Variants in SORCS2 observed in about 807,000 individuals in gnomAD.
SORCS2 encodes the protein VPS10 domain-containing receptor SorCS2.
Under a neutral mutation model 141.6 loss-of-function variants are expected in SORCS2, and 100 were observed. That is an observed-to-expected ratio of 0.71 (90% CI 0.60 to 0.83). SORCS2 has a LOEUF of 0.83. Among genes scored for constraint, SORCS2 ranks in the 40% least tolerant of loss-of-function variants. The pLI is 0.00. For missense variants in SORCS2, 1,646 were observed against 1,560.2 expected, an observed-to-expected ratio of 1.05 and a Z score of -0.93; for synonymous variants, 789 against 676.9, an observed-to-expected ratio of 1.17 and a Z score of -2.57.
intron 10 of SORCS2, 37 bp downstream of exon 10, chr4:7,682,926 C>G: frequency 6.3e-7 from 1 of 1,599,906 alleles, no homozygotes; most frequent in Non-Finnish European, 8.5e-7. Flanking sequence ...CCATCCTTGG[C>G]GTGGATGCTA....
chr4:7,369,671 C>T (rs543073890), intron 1 of SORCS2, among the ~76,000 whole-genome samples: 6 of 152,298 alleles, frequency 3.9e-5, no homozygotes, highest in Admixed American at 3.9e-4. Context: ...TTGCTGAGTG[C>T]TCTCCCAGTG....
chr4:7,704,031 G>A (rs1725253074), intron 13 of SORCS2, 146 bp from the exon 14 acceptor site: 1 of 690,190 alleles, frequency 1.4e-6, no homozygotes. Context: ...ATGAGCAGAT[G>A]TGACATAAGC....
At chr4:7,264,237 T>C (rs1221367195) in intron 1 of SORCS2, among the ~76,000 whole-genome samples, 1 of 152,198 alleles carries the variant, frequency 6.6e-6, no homozygotes, top group African/African-American at 2.4e-5. Context: ...AGGGCAGGTA[T>C]TTCTCCAGCA....
intron 1 of SORCS2, among the ~76,000 whole-genome samples, chr4:7,244,134 G>A (rs909080115): frequency 6.6e-6 from 1 of 152,192 alleles, no homozygotes; most frequent in Non-Finnish European, 1.5e-5. Flanking sequence ...ATAGGAAGGG[G>A]CGGCTCCCCT....
intron 3 of SORCS2, among the ~76,000 whole-genome samples, chr4:7,587,253 T>C (rs1192639994): frequency 6.6e-6 from 1 of 152,102 alleles, no homozygotes; most frequent in African/African-American, 2.4e-5. Context: ...TAGGTAATAT[T>C]TGGCCACTCA....
chr4:7,679,133 A>G (rs1723350157), intron 9 of SORCS2, among the ~76,000 whole-genome samples: 1 of 152,174 alleles, frequency 6.6e-6, no homozygotes, highest in Non-Finnish European at 1.5e-5. Flanking sequence ...ATCCAGGAAA[A>G]AAATGTTTGG....
rs1413167095 is a variant in SORCS2, at chr4:7,346,265, C to G, written c.481-50023C>G. ...GCTTCAGTTTTATTCAGTTTATTTT[C>G]TAATTTCCTTAGTGATTTCTTCTTT... is the stretch of plus-strand genomic sequence containing the variant. On this transcript the variant is annotated intron_variant, in intron 1 of 26. Transcript: ENST00000507866. Among the ~76,000 whole-genome samples, 4 of 152,230 alleles carry G rather than the reference C, an allele frequency of 2.6e-5. No individual in the cohort carries two copies. In the East Asian group the frequency reaches 7.7e-4, roughly 29 times the overall value.
chr4:7,461,667 G>A (rs1172391642), intron 2 of SORCS2, among the ~76,000 whole-genome samples: 1 of 152,184 alleles, frequency 6.6e-6, no homozygotes, highest in Non-Finnish European at 1.5e-5. Flanking sequence ...AAAACCCAGC[G>A]AGGAGCTCTC....
At chr4:7,621,630 A>T (rs1319771307) in intron 3 of SORCS2, among the ~76,000 whole-genome samples, 2 of 152,146 alleles carry the variant, frequency 1.3e-5, no homozygotes, top group African/African-American at 4.8e-5. Context: ...GGTGGTGATC[A>T]GATGAAATCA....
In SORCS2 at chr4:7,656,141, G is replaced by A. The variant is rs144511314; in HGVS notation, c.887+1934G>A. ...AGCTCTTTGTCCTTGAACTGACAGC[G>A]GGAATTGCCAAAGCCCCGTGTTCTG... On this transcript the variant is annotated intron_variant, in intron 5 of 26. Coordinates refer to ENST00000507866, the MANE Select transcript of SORCS2 (RefSeq NM_020777.3). Among the ~76,000 whole-genome samples the A allele has an allele frequency of 2.7e-3, 413 of 152,304 alleles. 3 individuals are homozygous for A. Among genetic ancestry groups the A allele is most frequent in the African/African-American group, 9.6e-3 (399 of 41,546 alleles).
At position 7,243,111 on chromosome 4, in the gene SORCS2, A is replaced by T. The variant is rs1030168930; in HGVS notation, c.480+49985A>T. On this transcript the variant is annotated intron_variant, in intron 1 of 26. Coordinates refer to ENST00000507866, the MANE Select transcript of SORCS2 (RefSeq NM_020777.3). ...CCCACCCCACAGGCTTTCTTTCTCC[A>T]TGAGGGATCTGAGTTCCCCCTCCCC... Among the ~76,000 whole-genome samples the T allele has an allele frequency of 3.3e-5, 5 of 152,148 alleles. No individual in the cohort carries two copies. In the East Asian group the frequency reaches 9.7e-4, roughly 29 times the overall value.
At chr4:7,361,712 C>CCACTGCAG (rs1721591014) in intron 1 of SORCS2, among the ~76,000 whole-genome samples, 1 of 152,038 alleles carries the variant, frequency 6.6e-6, no homozygotes, top group Non-Finnish European at 1.5e-5. Context: ...GCTGGGGACC[C>CCACTGCAG]CACTGCAGGC....
chr4:7,244,393 G>A (rs1367039891), intron 1 of SORCS2, among the ~76,000 whole-genome samples: 1 of 152,246 alleles, frequency 6.6e-6, no homozygotes, highest in African/African-American at 2.4e-5. Flanking sequence ...CAGCCTGCCT[G>A]GTGGAACGCG....
At chr4:7,372,483 T>C (rs1376107962) in intron 1 of SORCS2, among the ~76,000 whole-genome samples, 2 of 152,116 alleles carry the variant, frequency 1.3e-5, no homozygotes, top group African/African-American at 4.8e-5. Context: ...ATTTTTTGTA[T>C]TTTCAGTAGA....
At chr4:7,626,615 T>C (rs2108839087) in intron 3 of SORCS2, among the ~76,000 whole-genome samples, 1 of 152,372 alleles carries the variant, frequency 6.6e-6, no homozygotes, top group Middle Eastern at 3.4e-3. Flanking sequence ...GTGTACGTAT[T>C]TATGTACGAA....
At chr4:7,445,204 C>G (rs1194708628) in intron 2 of SORCS2, among the ~76,000 whole-genome samples, 2 of 152,214 alleles carry the variant, frequency 1.3e-5, no homozygotes, top group African/African-American at 4.8e-5. Context: ...CTGGGACATG[C>G]CTGCAGAGGC....
At chr4:7,416,546 G>A (rs926925030) in intron 2 of SORCS2, among the ~76,000 whole-genome samples, 35 of 151,826 alleles carry the variant, frequency 2.3e-4, no homozygotes, top group Admixed American at 1.7e-3. Flanking sequence ...ACGCCCACAC[G>A]TGCATGCATG....
At chr4:7,278,499 C>G (rs4689679) in intron 1 of SORCS2, among the ~76,000 whole-genome samples, 13,691 of 152,238 alleles carry the variant, frequency 0.09, 944 homozygotes, top group Admixed American at 0.23. Context: ...GCTTAGCCCT[C>G]CCTTTCCCAC....
At chr4:7,463,801 C>A (rs959286341) in intron 2 of SORCS2, among the ~76,000 whole-genome samples, 2 of 152,176 alleles carry the variant, frequency 1.3e-5, no homozygotes, top group Admixed American at 6.5e-5. Context: ...AGGAGCCCTG[C>A]GCCGCCTACA....
Sources: allele counts gnomAD v4.1 joint callset (sites outside exome capture counted in the v4.1 genomes callset), GRCh38; gene constraint gnomAD v4.1.1; transcripts MANE v1.5; gene names NCBI Gene and HGNC (gene_info 2026-07-23, HGNC 2026-07-21).